CFH: variants seen among roughly 807,000 people sequenced by gnomAD.
CFH encodes the protein complement factor H.
Under a neutral mutation model 147.3 loss-of-function variants are expected in CFH, and 53 were observed. The observed-to-expected ratio is 0.36, with a 90% CI of 0.29 to 0.45. The LOEUF (loss-of-function observed/expected upper bound fraction) is 0.45, where lower values mean the gene tolerates loss of function less well. Among genes scored for constraint, CFH ranks in the 20% least tolerant of loss-of-function variants. The pLI is 1.00. For synonymous variants in CFH, 536 were observed against 489.4 expected, an observed-to-expected ratio of 1.10 and a Z score of -1.26; for missense variants, 1,380 against 1,498.0, an observed-to-expected ratio of 0.92 and a Z score of 1.30.
At chr1:196,673,429 C>T in intron 2 of CFH, 1 of 440,322 alleles carries the variant, frequency 2.3e-6, no homozygotes, top group South Asian at 2.2e-5. Flanking sequence ...CTCTGCCTCC[C>T]TGGTTCAAGC....
At chr1:196,701,932 G>T (rs1211460567) in intron 9 of CFH, among the ~76,000 whole-genome samples, 1 of 152,112 alleles carries the variant, frequency 6.6e-6, no homozygotes, top group African/African-American at 2.4e-5. Context: ...GCCACTGCAT[G>T]GTTCTCATGC....
At chr1:196,675,161 G>C (rs1213593142) in intron 3 of CFH, among the ~76,000 whole-genome samples, 1 of 152,034 alleles carries the variant, frequency 6.6e-6, no homozygotes, top group Non-Finnish European at 1.5e-5. Context: ...ACTTGACTTG[G>C]CTAAGGAGAT....
chr1:196,663,890 C>T (rs556029734), intron 1 of CFH, among the ~76,000 whole-genome samples: 2 of 152,264 alleles, frequency 1.3e-5, no homozygotes, highest in Admixed American at 1.3e-4. Context: ...AAAAAGCAAG[C>T]TTGTGTCTTC....
At position 196,741,925 on chromosome 1, in the gene CFH, G is replaced by C. The variant is rs1428008529; in HGVS notation, c.3007G>C (p.Glu1003Gln). 1 of 1,614,174 alleles carries C rather than the reference G, an allele frequency of 6.2e-7. No homozygotes were observed. Among genetic ancestry groups the C allele is most frequent in the Admixed American group, 1.7e-5 (1 of 60,026 alleles). Residue 1003 changes from glutamate (E) to glutamine (Q), a missense_variant, in exon 19 of 22, where the codon GAG becomes CAG. By Grantham distance (29) the Glu-to-Gln change is conservative. Coordinates refer to ENST00000367429, the MANE Select transcript of CFH (RefSeq NM_000186.4). ...PSFENAIPMG[E>Q]KKDVYKAGEQ... ...CTTTGAAAATGCCATACCCATGGGA[G>C]AGAAGAAGGATGTGTATAAGGCGGG...
chr1:196,676,377 A>G (rs1256467342), intron 4 of CFH, among the ~76,000 whole-genome samples: 1 of 152,084 alleles, frequency 6.6e-6, no homozygotes, highest in East Asian at 1.9e-4. Context: ...AATAAAGACC[A>G]GAATTTTGCC....
Position 196,672,843 on chromosome 1 carries a change from GGAGAGA to G in CFH, c.59-118_59-113del, listed in dbSNP as rs55759441. On this transcript the variant is annotated intron_variant, in intron 1 of 21. Coordinates refer to ENST00000367429, the MANE Select transcript of CFH (RefSeq NM_000186.4). ...TGTTTACTCCATAGATATGGGGTTA[GGAGAGA>G]GAGAGAGAGAGAGAGAAATTTAGAT... The G allele has an allele frequency of 4.1e-4, 247 of 607,486 alleles. 1 individual carries two copies. In the East Asian group the frequency reaches 6.9e-3, roughly 17 times the overall value. The allele number at this position is 607,486 out of a possible 1,614,324, so 37.6% of individuals were successfully genotyped here.
intron 9 of CFH, among the ~76,000 whole-genome samples, chr1:196,698,526 A>C (rs947614626): frequency 2.2e-4 from 34 of 152,192 alleles, no homozygotes; most frequent in African/African-American, 7.2e-4. Flanking sequence ...AAGCAGAAGA[A>C]AGAAGTCAAA....
intron 1 of CFH, among the ~76,000 whole-genome samples, chr1:196,660,695 G>A (rs1232683013): frequency 6.6e-6 from 1 of 152,158 alleles, no homozygotes; most frequent in Non-Finnish European, 1.5e-5. Flanking sequence ...AGTACTATTT[G>A]AAGAGAAAAG....
chr1:196,677,710 G>A, intron 5 of CFH, 43 bp downstream of exon 5: 1 of 1,543,250 alleles, frequency 6.5e-7, no homozygotes, highest in Non-Finnish European at 9.0e-7. Flanking sequence ...CTTTTTAAAT[G>A]TAAATATACA....
intron 1 of CFH, 150 bp downstream of exon 1, chr1:196,652,325 T>A: frequency 1.7e-6 from 1 of 602,280 alleles, no homozygotes; most frequent in Non-Finnish European, 2.9e-6. Context: ...TTGTTGAGTT[T>A]AAAAAATGTA....
At chr1:196,700,406 C>G (rs747900150) in intron 9 of CFH, among the ~76,000 whole-genome samples, 4 of 151,992 alleles carry the variant, frequency 2.6e-5, no homozygotes, top group Non-Finnish European at 5.9e-5. Flanking sequence ...GTAATCCCAG[C>G]ACTTTAGGAG....
intron 1 of CFH, among the ~76,000 whole-genome samples, chr1:196,657,208 G>A (rs1257257478): frequency 6.6e-6 from 1 of 151,742 alleles, no homozygotes; most frequent in Non-Finnish European, 1.5e-5. Flanking sequence ...TTTGTCTCTA[G>A]AGTTTGTTTC....
At chr1:196,710,514 T>C (rs894355909) in intron 9 of CFH, among the ~76,000 whole-genome samples, 29 of 152,206 alleles carry the variant, frequency 1.9e-4, no homozygotes, top group Admixed American at 4.6e-4. Flanking sequence ...GTAGCTTTTT[T>C]TAAGTCTTAA....
At chr1:196,692,391 T>C (rs1008152377) in intron 9 of CFH, 6 of 837,964 alleles carry the variant, frequency 7.2e-6, no homozygotes, top group Non-Finnish European at 7.2e-6. Context: ...TTGAGGCTAA[T>C]AATATGCCTT....
intron 17 of CFH, among the ~76,000 whole-genome samples, chr1:196,739,775 T>C (rs1306405724): frequency 6.6e-6 from 1 of 152,186 alleles, no homozygotes; most frequent in Non-Finnish European, 1.5e-5. Context: ...CAAAGCTGCT[T>C]CCACATTTTT....
rs1395401698 is a variant in CFH at position 196,690,237 on chromosome 1, T to A, written c.1334T>A (p.Val445Asp). ...GWSPTPRCIR[V>D]KTCSKSSIDI... ...TCTCCTACTCCCAGATGCATCCGTG[T>A]CAGTAAGTACACTACTCTGAAATCC... Residue 445 changes from valine (V) to aspartate (D), a missense_variant and splice_region_variant, in exon 9 of 22, where the codon GTC becomes GAC. Val to Asp is a radical substitution (Grantham distance 152). Transcript: ENST00000367429. 1.2e-6 allele frequency: 2 copies of A among 1,613,252 alleles called. No individual in the cohort carries two copies. The highest frequency in any genetic ancestry group is 1.7e-6 in the Non-Finnish European group (2 of 1,179,492).
rs1322520942 is a variant in CFH, at chr1:196,726,836, A to G, written c.2132A>G (p.Tyr711Cys). The G allele has an allele frequency of 2.5e-6, 4 of 1,613,650 alleles. No homozygotes were observed. Among genetic ancestry groups the G allele is most frequent in the South Asian group, 1.1e-5 (1 of 91,072 alleles). ...WAQLSSPPYY[Y>C]GDSVEFNCSE... Reference sequence around the variant, plus strand: ...CAGCTTTCTTCCCCTCCTTATTACTATGGAGATTCAGTGGAATTCAATTGC... The same window carrying G: ...CAGCTTTCTTCCCCTCCTTATTACTGTGGAGATTCAGTGGAATTCAATTGC... The change falls in exon 14 of 22, where the codon TAT (tyrosine) becomes TGT (cysteine). Residue 711 changes from tyrosine (Y) to cysteine (C), a missense_variant. Tyr to Cys is a radical substitution (Grantham distance 194). This residue lies in a region of CFH where 830 missense variants were observed against 821.4 expected (regional missense o/e 1.01). Transcript: ENST00000367429.
chr1:196,723,125 C>A (rs922408846), intron 11 of CFH, among the ~76,000 whole-genome samples: 1 of 151,984 alleles, frequency 6.6e-6, no homozygotes, highest in Non-Finnish European at 1.5e-5. Context: ...TGATCCTTTG[C>A]GAGTGTTGTA....
At chr1:196,719,897 T>C (rs1668958749) in intron 11 of CFH, among the ~76,000 whole-genome samples, 1 of 151,712 alleles carries the variant, frequency 6.6e-6, no homozygotes, top group African/African-American at 2.4e-5. Flanking sequence ...TTTCTTTATT[T>C]GTAATATATT....
Sources: allele counts gnomAD v4.1 joint callset (sites outside exome capture counted in the v4.1 genomes callset), GRCh38; gene constraint gnomAD v4.1.1; regional missense constraint gnomAD v4.1.1; transcripts MANE v1.5; gene names NCBI Gene and HGNC (gene_info 2026-07-23, HGNC 2026-07-21).